ZNF879: variants seen among roughly 807,000 people sequenced by gnomAD.
The protein encoded by ZNF879 is zinc finger protein 879.
Under a neutral mutation model 44.3 loss-of-function variants are expected in ZNF879, and 32 were observed. The ratio of observed to expected loss-of-function variants is 0.72; its 90% confidence interval spans 0.54 to 0.97. The LOEUF (loss-of-function observed/expected upper bound fraction) is 0.97, where lower values mean the gene tolerates loss of function less well. ZNF879 is among the 50% of genes least tolerant of loss of function. The pLI is 0.00. For synonymous variants in ZNF879, 234 were observed against 233.2 expected, an observed-to-expected ratio of 1.00 and a Z score of -0.03; for missense variants, 621 against 669.7, an observed-to-expected ratio of 0.93 and a Z score of 0.80.
chr5:179,028,918 A>C (rs1761345662), intron 4 of ZNF879, among the ~76,000 whole-genome samples: 1 of 151,986 alleles, frequency 6.6e-6, no homozygotes, highest in South Asian at 2.1e-4. Flanking sequence ...GGGCCAGTTC[A>C]CTTTTGCGTT....
At chr5:179,025,305 A>G (rs1761233476) in intron 2 of ZNF879, among the ~76,000 whole-genome samples, 1 of 150,798 alleles carries the variant, frequency 6.6e-6, no homozygotes. Context: ...CTGCAGCCTC[A>G]ACCTCCCTGG....
At chr5:179,026,090 A>AG (rs1761261136) in intron 2 of ZNF879, among the ~76,000 whole-genome samples, 1 of 151,992 alleles carries the variant, frequency 6.6e-6, no homozygotes, top group African/African-American at 2.4e-5. Context: ...TCTCAAAAAA[A>AG]AAAAAAAAAA....
At chr5:179,024,864 CCTT>C in intron 1 of ZNF879, 103 bp from the exon 2 acceptor site, 1 of 864,594 alleles carries the variant, frequency 1.2e-6, no homozygotes, top group Non-Finnish European at 1.8e-6. Context: ...GTTCCAGGCT[CCTT>C]CTCTGCAGGT....
chr5:179,027,471 A>T lies in ZNF879; in HGVS notation c.34-2A>T. 8 of 1,613,936 alleles carry T rather than the reference A, an allele frequency of 5.0e-6. No homozygotes were observed. The highest frequency in any genetic ancestry group is 6.8e-6 in the Non-Finnish European group (8 of 1,179,948). On this transcript the variant is annotated splice_acceptor_variant, in intron 2 of 4. Coordinates refer to ENST00000444149, the MANE Select transcript of ZNF879 (RefSeq NM_001136116.3). LOFTEE classifies it high-confidence loss of function. ...TGAACAGGAGTGGGTTTGCCATTCCAGGAGTCCGTGACGTTCAGGGATGTG... is the reference window on the plus strand; with the variant it reads ...TGAACAGGAGTGGGTTTGCCATTCCTGGAGTCCGTGACGTTCAGGGATGTG...
chr5:179,031,130 G>A (rs1761404654), intron 4 of ZNF879, among the ~76,000 whole-genome samples: 1 of 152,172 alleles, frequency 6.6e-6, no homozygotes, highest in Non-Finnish European at 1.5e-5. Flanking sequence ...TTCTGCAGCT[G>A]CCCTTGTTCT....
rs781103881 is a variant in ZNF879, at chr5:179,027,537, C to G, written c.98C>G (p.Ser33Cys). 14 of 1,614,066 alleles carry G rather than the reference C, an allele frequency of 8.7e-6. No homozygotes were observed. The highest frequency in any genetic ancestry group is 1.2e-5 in the Non-Finnish European group (14 of 1,180,054). ...CAGGACGAGTGGTTGCACCTGGACTCTGCCCAGAGAGCCTTGTACCGGGAG... is the reference window on the plus strand; with the variant it reads ...CAGGACGAGTGGTTGCACCTGGACTGTGCCCAGAGAGCCTTGTACCGGGAG... The part of the protein sequence containing the change: ...FSQDEWLHLD[S>C]AQRALYREVM... Residue 33 changes from serine to cysteine, a missense_variant, in exon 3 of 5, where the codon TCT (serine) becomes TGT (cysteine). Ser to Cys is a moderately radical substitution (Grantham distance 112). Transcript: ENST00000444149.
At chr5:179,028,287 A>G (rs1186543511) in intron 4 of ZNF879, among the ~76,000 whole-genome samples, 160 bp downstream of exon 4, 2 of 152,218 alleles carry the variant, frequency 1.3e-5, no homozygotes, top group African/African-American at 4.8e-5. Context: ...TCATGTTCAG[A>G]GGAGGGTTGA....
rs185712748 is a variant in ZNF879 at position 179,033,491 on chromosome 5, A to G, written c.1543A>G (p.Lys515Glu). Reference sequence around the variant, plus strand: ...TACTGGAGAGAAACCATATAATTGTAAAGTGTGTGGGAAAGCCTTCAGACA... The same window carrying G: ...TACTGGAGAGAAACCATATAATTGTGAAGTGTGTGGGAAAGCCTTCAGACA... The part of the protein sequence containing the change: ...IHTGEKPYNC[K>E]VCGKAFRQSS... Residue 515 changes from lysine (K) to glutamate (E), a missense_variant, in exon 5 of 5, where the codon AAA (lysine) becomes GAA (glutamate). Physicochemically the swap from Lys to Glu is moderately conservative, Grantham distance 56. Coordinates refer to ENST00000444149, the MANE Select transcript of ZNF879 (RefSeq NM_001136116.3). 3.8e-5 allele frequency: 60 copies of G among 1,562,542 alleles called. 1 individual carries two copies. The East Asian group carries it at 1.4e-3, about 36-fold the overall frequency.
intron 1 of ZNF879, 120 bp from the exon 2 acceptor site, chr5:179,024,850 G>A: frequency 1.3e-6 from 1 of 742,300 alleles, no homozygotes; most frequent in Non-Finnish European, 2.2e-6. Flanking sequence ...CTCTGGCCTG[G>A]GCAGTTCCAG....
In ZNF879 at chr5:179,024,972, G is replaced by C. The variant is rs1182821247; in HGVS notation, c.-33G>C. ...CACAGCTTTTTTCTCCATTCCAGGT[G>C]CCTTCTCCAAGAGAGGCAGCAGGGA... On this transcript the variant is annotated splice_region_variant and 5_prime_UTR_variant, in exon 2 of 5. Coordinates refer to ENST00000444149, the MANE Select transcript of ZNF879 (RefSeq NM_001136116.3). The C allele has an allele frequency of 3.2e-6, 5 of 1,551,314 alleles. No homozygotes were observed. The highest frequency in any genetic ancestry group is 2.6e-6 in the Non-Finnish European group (3 of 1,146,856).
intron 4 of ZNF879, among the ~76,000 whole-genome samples, chr5:179,031,392 C>G (rs1761414382): frequency 6.6e-6 from 1 of 152,204 alleles, no homozygotes; most frequent in Non-Finnish European, 1.5e-5. Context: ...AAACAGGAAG[C>G]TATTCCTGCC....
At chr5:179,025,132 C>A in intron 2 of ZNF879, 95 bp downstream of exon 2, 2 of 1,408,904 alleles carry the variant, frequency 1.4e-6, no homozygotes, top group Non-Finnish European at 2.0e-6. Context: ...CAGTGAAGCT[C>A]AGGGAAGGAC....
chr5:179,028,669 G>A (rs764750853), intron 4 of ZNF879, among the ~76,000 whole-genome samples: 1 of 152,096 alleles, frequency 6.6e-6, no homozygotes, highest in African/African-American at 2.4e-5. Context: ...GTGGGCTTCC[G>A]GATACTCATC....
At position 179,027,926 on chromosome 5, in the gene ZNF879, A is replaced by G. The variant is rs1456340368; in HGVS notation, c.161-106A>G. ...CTAGGAGCCCAGTTTGAAGCCTCTC[A>G]GAACAAACCTCCTCCTTCCCTGTAC... is the stretch of plus-strand genomic sequence containing the variant. On this transcript the variant is annotated intron_variant, in intron 3 of 4. Coordinates refer to ENST00000444149, the MANE Select transcript of ZNF879 (RefSeq NM_001136116.3). The G allele has an allele frequency of 7.8e-6, 8 of 1,029,486 alleles. No individual in the cohort carries two copies. In the Admixed American group the frequency reaches 8.7e-5, roughly 11 times the overall value. The allele number at this position is 1,029,486 out of a possible 1,614,324, so 63.8% of individuals were successfully genotyped here.
At chr5:179,029,233 C>T (rs920747079) in intron 4 of ZNF879, among the ~76,000 whole-genome samples, 12 of 151,072 alleles carry the variant, frequency 7.9e-5, no homozygotes, top group Admixed American at 4.0e-4. Flanking sequence ...TCTTTTCTGT[C>T]TTCTCTTTGG....
At chr5:179,029,048 T>C (rs1308523267) in intron 4 of ZNF879, among the ~76,000 whole-genome samples, 1 of 148,028 alleles carries the variant, frequency 6.8e-6, no homozygotes, top group Admixed American at 6.7e-5. Context: ...AAATCAGTTG[T>C]TTTTTTCTCT....
At position 179,032,895 on chromosome 5, in the gene ZNF879, A is replaced by G. The variant is rs1363814524; in HGVS notation, c.947A>G (p.Tyr316Cys). Reference protein sequence around the residue: ...HQRIHTGEKPYKCNECGRAFS... With the variant: ...HQRIHTGEKPCKCNECGRAFS... The stretch of plus-strand genomic sequence containing the variant: ...CGAATTCACACAGGAGAGAAGCCCT[A>G]TAAGTGTAATGAATGTGGGAGGGCC... The change falls in exon 5 of 5, where the codon TAT becomes TGT. Residue 316 changes from tyrosine (Y) to cysteine (C), a missense_variant. Coordinates refer to ENST00000444149, the MANE Select transcript of ZNF879 (RefSeq NM_001136116.3). The G allele has an allele frequency of 1.1e-5, 17 of 1,570,926 alleles. No homozygotes were observed. Among genetic ancestry groups the G allele is most frequent in the East Asian group, 2.4e-5 (1 of 42,388 alleles).
intron 4 of ZNF879, among the ~76,000 whole-genome samples, chr5:179,029,111 T>TG (rs1462163693): frequency 6.6e-6 from 1 of 151,818 alleles, no homozygotes; most frequent in Admixed American, 6.6e-5. Flanking sequence ...TTTTTTTTTT[T>TG]TTTTTTCCTC....
chr5:179,026,083 C>CA (rs1337124096), intron 2 of ZNF879, among the ~76,000 whole-genome samples: 1,296 of 57,504 alleles, frequency 0.023, 17 homozygotes, highest in East Asian at 0.066. Flanking sequence ...GACTCCATCT[C>CA]AAAAAAAAAA....
Sources: allele counts gnomAD v4.1 joint callset (sites outside exome capture counted in the v4.1 genomes callset), GRCh38; gene constraint gnomAD v4.1.1; transcripts MANE v1.5; gene names NCBI Gene and HGNC (gene_info 2026-07-23, HGNC 2026-07-21).